Variants in AGPAT5 observed in about 807,000 individuals in gnomAD.
AGPAT5 encodes 1-acyl-sn-glycerol-3-phosphate acyltransferase epsilon.
AGPAT5 carries 46 observed loss-of-function variants against 45.6 expected under a neutral mutation model. That is an observed-to-expected ratio of 1.01 (90% CI 0.80 to 1.29). The LOEUF is 1.29. Among genes scored for constraint, AGPAT5 ranks in the 50% most tolerant of loss-of-function variants. The pLI is 0.00. For synonymous variants in AGPAT5, 272 were observed against 167.0 expected (o/e 1.63, Z -4.85); for missense variants, 673 against 450.7 (o/e 1.49, Z -4.47).
chr8:6,727,906 A>G (rs935825335), intron 2 of AGPAT5, among the ~76,000 whole-genome samples: 1 of 152,178 alleles, frequency 6.6e-6, no homozygotes, highest in Non-Finnish European at 1.5e-5. Context: ...GTAAGGTGTG[A>G]GTGATAGCTC....
At chr8:6,753,524 G>C (rs532511505) in intron 6 of AGPAT5, among the ~76,000 whole-genome samples, 1 of 152,130 alleles carries the variant, frequency 6.6e-6, no homozygotes, top group African/African-American at 2.4e-5. Context: ...CATACTGTGT[G>C]CCAAGCACTC....
At chr8:6,729,089 A>G (rs1160787920) in intron 2 of AGPAT5, among the ~76,000 whole-genome samples, 1 of 152,248 alleles carries the variant, frequency 6.6e-6, no homozygotes, top group East Asian at 1.9e-4. Flanking sequence ...TAAGTCATCA[A>G]GAAAAAGTTA....
At chr8:6,729,073 A>G (rs1800780185) in intron 2 of AGPAT5, among the ~76,000 whole-genome samples, 1 of 152,220 alleles carries the variant, frequency 6.6e-6, no homozygotes, top group African/African-American at 2.4e-5. Flanking sequence ...TAATAATTAT[A>G]AGTCTTAAGT....
intron 1 of AGPAT5, among the ~76,000 whole-genome samples, chr8:6,714,912 G>C (rs1800270666): frequency 6.6e-6 from 1 of 152,210 alleles, no homozygotes; most frequent in Non-Finnish European, 1.5e-5. Flanking sequence ...TGCTTCTCAA[G>C]TGGAATCAGA....
chr8:6,712,587 A>C (rs1362314793), intron 1 of AGPAT5, among the ~76,000 whole-genome samples: 3 of 152,190 alleles, frequency 2.0e-5, no homozygotes, highest in Admixed American at 6.5e-5. Flanking sequence ...GCTGGAGTTT[A>C]AGGAAAACTT....
chr8:6,738,976 T>C (rs889954251), intron 4 of AGPAT5, among the ~76,000 whole-genome samples: 1 of 152,152 alleles, frequency 6.6e-6, no homozygotes, highest in African/African-American at 2.4e-5. Context: ...CTAGGATTTA[T>C]TTATAATTAA....
chr8:6,736,607 G>C (rs991620848), intron 4 of AGPAT5, among the ~76,000 whole-genome samples: 41 of 152,184 alleles, frequency 2.7e-4, no homozygotes, highest in African/African-American at 9.7e-4. Context: ...TAAGTTATTT[G>C]TGGAAATCAG....
intron 5 of AGPAT5, chr8:6,745,808 G>A (rs560133331): frequency 6.6e-6 from 1 of 151,050 alleles, no homozygotes; most frequent in East Asian, 1.9e-4. Context: ...CATTACTTCA[G>A]TTATCCATTC....
intron 1 of AGPAT5, among the ~76,000 whole-genome samples, chr8:6,714,406 G>C (rs182509037): frequency 1.3e-5 from 2 of 152,290 alleles, no homozygotes. Flanking sequence ...TTAGGGAACT[G>C]CTTAACTTAC....
At chr8:6,756,392 T>C (rs1168109393) in intron 7 of AGPAT5, among the ~76,000 whole-genome samples, 1 of 152,044 alleles carries the variant, frequency 6.6e-6, no homozygotes, top group Non-Finnish European at 1.5e-5. Context: ...TTTGGGAGGC[T>C]AAGGCAGGCA....
intron 6 of AGPAT5, among the ~76,000 whole-genome samples, chr8:6,748,127 A>T (rs1801538080): frequency 6.6e-6 from 1 of 152,188 alleles, no homozygotes; most frequent in African/African-American, 2.4e-5. Flanking sequence ...GAAGACGTGA[A>T]GAAGGAGCAC....
chr8:6,714,822 A>G (rs561891460), intron 1 of AGPAT5, among the ~76,000 whole-genome samples: 1 of 152,322 alleles, frequency 6.6e-6, no homozygotes, highest in Admixed American at 6.5e-5. Flanking sequence ...ATTACGATGG[A>G]AGGCACGGGA....
chr8:6,746,634 G>A (rs1801475594), intron 5 of AGPAT5, among the ~76,000 whole-genome samples: 1 of 152,090 alleles, frequency 6.6e-6, no homozygotes, highest in African/African-American at 2.4e-5. Flanking sequence ...CCCCTGCCCT[G>A]GGGACTAAAG....
intron 1 of AGPAT5, among the ~76,000 whole-genome samples, chr8:6,720,519 C>T (rs546695695): frequency 6.6e-6 from 1 of 152,258 alleles, no homozygotes; most frequent in South Asian, 2.1e-4. Context: ...TTGAATGTGG[C>T]AGAGTTAAAT....
At chr8:6,726,496 G>C (rs1033459779) in intron 2 of AGPAT5, among the ~76,000 whole-genome samples, 1 of 152,050 alleles carries the variant, frequency 6.6e-6, no homozygotes, top group East Asian at 1.9e-4. Flanking sequence ...TTGTGGAGTG[G>C]GTTCTCTGAA....
chr8:6,751,198 A>C (rs890122845), intron 6 of AGPAT5, among the ~76,000 whole-genome samples: 4 of 152,200 alleles, frequency 2.6e-5, no homozygotes, highest in African/African-American at 4.8e-5. Context: ...TGTAACTTGG[A>C]ATACTGTAAG....
At chr8:6,724,016 T>G (rs979653581) in intron 1 of AGPAT5, among the ~76,000 whole-genome samples, 1 of 152,204 alleles carries the variant, frequency 6.6e-6, no homozygotes, top group South Asian at 2.1e-4. Context: ...GCCATTTCCT[T>G]TTAAGTCTTT....
intron 4 of AGPAT5, among the ~76,000 whole-genome samples, chr8:6,738,127 C>T (rs1801115658): frequency 6.6e-6 from 1 of 152,212 alleles, no homozygotes; most frequent in Admixed American, 6.5e-5. Flanking sequence ...TCCTTTGCAT[C>T]CGCAACTTGG....
rs774525431 is a variant in AGPAT5, at chr8:6,747,816, C to G, written c.733C>G (p.Pro245Ala). The G allele has an allele frequency of 1.7e-5, 28 of 1,613,994 alleles. No homozygotes were observed. The highest frequency in any genetic ancestry group is 3.3e-5 in the Admixed American group (2 of 60,016). ...CGATGGAGGGCAGCGAAGAGAGTCA[C>G]CGACCATGACGGGTAAGTGTGTTCA... ...KDDGGQRRES[P>A]TMTEFLCKEC... Residue 245 changes from proline to alanine, a missense_variant, in exon 6 of 8, where the codon CCG becomes GCG. Physicochemically the swap from Pro to Ala is conservative, Grantham distance 27. Coordinates refer to ENST00000285518, the MANE Select transcript of AGPAT5 (RefSeq NM_018361.5).
Sources: allele counts gnomAD v4.1 joint callset (sites outside exome capture counted in the v4.1 genomes callset), GRCh38; gene constraint gnomAD v4.1.1; transcripts MANE v1.5; gene names NCBI Gene and HGNC (gene_info 2026-07-23, HGNC 2026-07-21).